The following EPHA3 variants were observed in gnomAD, a reference collection of about 807,000 sequenced individuals.
The protein encoded by EPHA3 is EPH receptor A3.
A neutral mutation model predicts 107.1 loss-of-function variants in EPHA3; 42 were observed. The ratio of observed to expected loss-of-function variants is 0.39; its 90% CI spans 0.31 to 0.51. The LOEUF is 0.51. EPHA3 is among the 20% of genes least tolerant of loss of function. The pLI is 0.78. For synonymous variants in EPHA3, 461 were observed against 424.8 expected (o/e 1.09, Z -1.05); for missense variants, 1,183 against 1,211.2 (o/e 0.98, Z 0.35).
At chr3:89,139,110 G>A (rs1704374438) in intron 2 of EPHA3, among the ~76,000 whole-genome samples, 1 of 151,764 alleles carries the variant, frequency 6.6e-6, no homozygotes, top group African/African-American at 2.4e-5. Flanking sequence ...AATGTAAATG[G>A]CTACCTCCCT....
chr3:89,114,537 G>T (rs750250263), intron 1 of EPHA3, among the ~76,000 whole-genome samples: 8 of 152,184 alleles, frequency 5.3e-5, no homozygotes, highest in Non-Finnish European at 1.0e-4. Context: ...GGTTCTTTGT[G>T]CACAAGTCTC....
At chr3:89,211,228 A>G (rs1704072309) in intron 3 of EPHA3, among the ~76,000 whole-genome samples, 1 of 152,098 alleles carries the variant, frequency 6.6e-6, no homozygotes, top group Non-Finnish European at 1.5e-5. Flanking sequence ...CTTTAATCAA[A>G]TTAATATTTA....
chr3:89,137,430 T>G (rs2107006646), intron 2 of EPHA3, among the ~76,000 whole-genome samples: 1 of 152,142 alleles, frequency 6.6e-6, no homozygotes, highest in African/African-American at 2.4e-5. Flanking sequence ...GCTTAGTTTC[T>G]TTTGAAAGAT....
intron 2 of EPHA3, among the ~76,000 whole-genome samples, chr3:89,204,291 T>G (rs1339518027): frequency 6.6e-6 from 1 of 152,142 alleles, no homozygotes; most frequent in Non-Finnish European, 1.5e-5. Flanking sequence ...CTAAAGGTGG[T>G]TGGGTATGAA....
chr3:89,194,182 A>T (rs1483786554), intron 2 of EPHA3, among the ~76,000 whole-genome samples: 1 of 152,026 alleles, frequency 6.6e-6, no homozygotes, highest in Non-Finnish European at 1.5e-5. Context: ...TTGTTAAAAC[A>T]TACTCTTTAT....
intron 3 of EPHA3, among the ~76,000 whole-genome samples, chr3:89,337,773 G>A (rs1707427699): frequency 6.6e-6 from 1 of 152,156 alleles, no homozygotes; most frequent in South Asian, 2.1e-4. Context: ...CATCTCAACT[G>A]AATTTCCTAT....
intron 15 of EPHA3, among the ~76,000 whole-genome samples, chr3:89,467,577 T>C (rs1313461125): frequency 6.6e-6 from 1 of 152,192 alleles, no homozygotes; most frequent in Non-Finnish European, 1.5e-5. Context: ...CCCGAAGATA[T>C]TCCTGGGATT....
chr3:89,188,321 A>G (rs1705622121), intron 2 of EPHA3, among the ~76,000 whole-genome samples: 1 of 152,154 alleles, frequency 6.6e-6, no homozygotes, highest in Non-Finnish European at 1.5e-5. Flanking sequence ...GTCAACCGTC[A>G]CCTTGCTCAT....
intron 3 of EPHA3, among the ~76,000 whole-genome samples, chr3:89,227,246 T>C (rs1704523554): frequency 6.6e-6 from 1 of 152,030 alleles, no homozygotes; most frequent in African/African-American, 2.4e-5. Flanking sequence ...TTGGGAAACA[T>C]ATTATGGCTA....
intron 3 of EPHA3, among the ~76,000 whole-genome samples, chr3:89,270,433 A>G (rs1705641202): frequency 6.6e-6 from 1 of 152,046 alleles, no homozygotes; most frequent in African/African-American, 2.4e-5. Flanking sequence ...CACCTGTTTT[A>G]GTCATGTAGA....
chr3:89,396,938 C>T (rs971020276), intron 6 of EPHA3, among the ~76,000 whole-genome samples: 4 of 152,180 alleles, frequency 2.6e-5, no homozygotes, highest in Non-Finnish European at 5.9e-5. Context: ...CCCACAGCCT[C>T]ATTGCTAATA....
intron 3 of EPHA3, among the ~76,000 whole-genome samples, chr3:89,212,549 G>A (rs1704126633): frequency 6.6e-6 from 1 of 151,058 alleles, no homozygotes; most frequent in Non-Finnish European, 1.5e-5. Flanking sequence ...TTTTAAGATT[G>A]GAAGTGTGGG....
chr3:89,274,385 C>A (rs762832176), intron 3 of EPHA3, among the ~76,000 whole-genome samples: 10 of 151,850 alleles, frequency 6.6e-5, no homozygotes, highest in Non-Finnish European at 1.5e-4. Context: ...TGCAAACACT[C>A]AAACATTAAC....
intron 2 of EPHA3, among the ~76,000 whole-genome samples, chr3:89,128,127 C>A (rs1199116040): frequency 2.0e-5 from 3 of 152,088 alleles, no homozygotes; most frequent in African/African-American, 7.2e-5. Flanking sequence ...TGATAGTCGT[C>A]TTTTCAAGAG....
chr3:89,429,035 T>C (rs1360273826), intron 11 of EPHA3, 71 bp from the exon 12 acceptor site: 2 of 1,013,390 alleles, frequency 2.0e-6, no homozygotes, highest in African/African-American at 1.6e-5. Context: ...TAAATCCAAC[T>C]ATATTATATA....
chr3:89,407,417 T>G, intron 8 of EPHA3, 46 bp downstream of exon 8: 1 of 1,479,276 alleles, frequency 6.8e-7, no homozygotes, highest in Non-Finnish European at 9.4e-7. Flanking sequence ...TGTTGCTTTG[T>G]TTGCTGCCAC....
Position 89,408,126 on chromosome 3 carries a change from G to C in EPHA3, c.1757G>C (p.Gly586Ala), listed in dbSNP as rs778106353. 2 of 1,612,562 alleles carry C rather than the reference G, an allele frequency of 1.2e-6. No homozygotes were observed. The highest frequency in any genetic ancestry group is 2.7e-5 in the African/African-American group (2 of 74,938). ...GAAAAAAGACTTCATTTTGGCAATG[G>C]GCATTGTAAGTTTCTAAACTTGGCT... is the stretch of plus-strand genomic sequence containing the variant. ...ADEKRLHFGN[G>A]HLKLPGLRTY... Residue 586 changes from glycine (G) to alanine (A), a missense_variant, in exon 9 of 17, where the codon GGG (glycine) becomes GCG (alanine). Physicochemically the swap from Gly to Ala is moderately conservative, Grantham distance 60 (BLOSUM62 0). Coordinates refer to ENST00000336596, the MANE Select transcript of EPHA3 (RefSeq NM_005233.6).
intron 5 of EPHA3, among the ~76,000 whole-genome samples, chr3:89,386,161 TG>T (rs1708616830): frequency 6.6e-6 from 1 of 152,062 alleles, no homozygotes; most frequent in Non-Finnish European, 1.5e-5. Flanking sequence ...AAACTCATTT[TG>T]GTGGGGGAGA....
intron 3 of EPHA3, among the ~76,000 whole-genome samples, chr3:89,279,473 T>C (rs1306840841): frequency 6.6e-6 from 1 of 152,182 alleles, no homozygotes; most frequent in Non-Finnish European, 1.5e-5. Flanking sequence ...AGCTACCTAT[T>C]GTGTTATTAG....
Sources: allele counts gnomAD v4.1 joint callset (sites outside exome capture counted in the v4.1 genomes callset), GRCh38; gene constraint gnomAD v4.1.1; transcripts MANE v1.5; gene names NCBI Gene and HGNC (gene_info 2026-07-23, HGNC 2026-07-21).